MDGA2: variants seen among roughly 807,000 people sequenced by gnomAD.
MDGA2 encodes MAM domain containing glycosylphosphatidylinositol anchor 2.
In MDGA2, 40 loss-of-function variants were observed where a neutral mutation model predicts 117.8. That is an observed-to-expected ratio of 0.34 (90% CI 0.26 to 0.44). The LOEUF is 0.44. Ranked by LOEUF, MDGA2 falls within the 20% of genes least tolerant of loss-of-function variation. MDGA2 has a pLI of 1.00. For synonymous variants in MDGA2, 452 were observed against 439.0 expected, an observed-to-expected ratio of 1.03 and a Z score of -0.37; for missense variants, 1,123 against 1,250.6, an observed-to-expected ratio of 0.90 and a Z score of 1.54.
intron 9 of MDGA2, among the ~76,000 whole-genome samples, chr14:46,934,825 G>A (rs531273042): frequency 6.6e-6 from 1 of 151,998 alleles, no homozygotes; most frequent in African/African-American, 2.4e-5. Flanking sequence ...ATTAATACAC[G>A]GTGTATGTCA....
rs376845501 is a variant in MDGA2, at chr14:47,105,291, C to T, written c.926-8168G>A. ...TCTGTGCCCCAATCCCTTATTTCTG[C>T]ACCCTGACCTCTTATCTCTGTGCCC... On this transcript the variant is annotated intron_variant, in intron 5 of 16. Transcript: ENST00000399232. 9.9e-5 allele frequency among the ~76,000 whole-genome samples: 15 copies of T among 152,026 alleles called. No homozygotes were observed. In the East Asian group the frequency reaches 2.9e-3, roughly 30 times the overall value.
In MDGA2 at chr14:46,841,601, A is replaced by G. The variant is rs980353607; in HGVS notation, c.*330T>C. On this transcript the variant is annotated 3_prime_UTR_variant, in exon 17 of 17. Coordinates refer to ENST00000399232, the MANE Select transcript of MDGA2 (RefSeq NM_001113498.3). Reference sequence around the variant, plus strand: ...ACTTTGTGCTTTGACAAGGATTTCTATAGCTCTTTTTTTTTTCTTTTTTTC... The same window carrying G: ...ACTTTGTGCTTTGACAAGGATTTCTGTAGCTCTTTTTTTTTTCTTTTTTTC... 6.3e-6 allele frequency: 1 copy of G among 159,294 alleles called. No homozygotes were observed. The highest frequency in any genetic ancestry group is 1.3e-5 in the Non-Finnish European group (1 of 76,306). 9.9% of individuals were successfully genotyped at this position (159,294 alleles called of 1,614,324 possible).
Position 47,301,260 on chromosome 14 carries a change from G to A in MDGA2, c.420+151C>T. 5 of 730,740 alleles carry A rather than the reference G, an allele frequency of 6.8e-6. No individual in the cohort carries two copies. In the South Asian group the frequency reaches 9.9e-5, roughly 15 times the overall value. The allele number at this position is 730,740 out of a possible 1,614,324, so 45.3% of individuals were successfully genotyped here. ...CTTGTCCTGCGTTGCACATATACTTGCACTTGAGTTACACACACACACACC... is the reference window on the plus strand; with the variant it reads ...CTTGTCCTGCGTTGCACATATACTTACACTTGAGTTACACACACACACACC... On this transcript the variant is annotated intron_variant, in intron 2 of 16. Coordinates refer to ENST00000399232, the MANE Select transcript of MDGA2 (RefSeq NM_001113498.3).
At chr14:46,879,064 G>A (rs992037541) in intron 11 of MDGA2, among the ~76,000 whole-genome samples, 10 of 152,114 alleles carry the variant, frequency 6.6e-5, no homozygotes, top group African/African-American at 2.4e-4. Flanking sequence ...AGACAATTGT[G>A]TCCCCATAAA....
At chr14:47,469,130 T>G (rs1448136420) in intron 1 of MDGA2, among the ~76,000 whole-genome samples, 1 of 152,126 alleles carries the variant, frequency 6.6e-6, no homozygotes, top group Non-Finnish European at 1.5e-5. Context: ...TGGATTAGAT[T>G]TGGAAAGAAA....
At chr14:47,047,982 C>T (rs1207912996) in intron 7 of MDGA2, among the ~76,000 whole-genome samples, 1 of 151,994 alleles carries the variant, frequency 6.6e-6, no homozygotes, top group African/African-American at 2.4e-5. Context: ...CCCCCAAAGC[C>T]ATCCAAGGAA....
At chr14:47,582,679 A>T (rs1284569278) in intron 1 of MDGA2, among the ~76,000 whole-genome samples, 3 of 151,916 alleles carry the variant, frequency 2.0e-5, no homozygotes, top group Non-Finnish European at 4.4e-5. Flanking sequence ...TCAAAGCAGG[A>T]TGTATCGATG....
At chr14:47,642,965 T>C (rs1482128968) in intron 1 of MDGA2, among the ~76,000 whole-genome samples, 1 of 152,062 alleles carries the variant, frequency 6.6e-6, no homozygotes, top group East Asian at 1.9e-4. Context: ...TTTCCTCATA[T>C]GTCAACAAAT....
intron 1 of MDGA2, among the ~76,000 whole-genome samples, chr14:47,573,426 T>G (rs1896058076): frequency 6.6e-6 from 1 of 152,146 alleles, no homozygotes. Context: ...CATTTCTCAT[T>G]TCCAGGGCCC....
chr14:47,536,994 TA>T (rs529174162), intron 1 of MDGA2, among the ~76,000 whole-genome samples: 143 of 152,180 alleles, frequency 9.4e-4, no homozygotes, highest in African/African-American at 3.3e-3. Context: ...AATATGACAC[TA>T]AATTCATGCA....
At chr14:47,299,720 T>A (rs917402940) in intron 2 of MDGA2, among the ~76,000 whole-genome samples, 1 of 152,188 alleles carries the variant, frequency 6.6e-6, no homozygotes, top group African/African-American at 2.4e-5. Context: ...TTGTTTCAAT[T>A]TTTAACAATT....
At chr14:47,395,558 T>C (rs927038958) in intron 1 of MDGA2, among the ~76,000 whole-genome samples, 4 of 152,124 alleles carry the variant, frequency 2.6e-5, no homozygotes, top group African/African-American at 9.7e-5. Flanking sequence ...TACCTAGTGA[T>C]TGGAAAATGA....
intron 1 of MDGA2, among the ~76,000 whole-genome samples, chr14:47,306,992 CAT>C (rs1889473107): frequency 6.6e-6 from 1 of 152,128 alleles, no homozygotes; most frequent in Admixed American, 6.6e-5. Flanking sequence ...GTAAAGCAAA[CAT>C]AACAATAATC....
chr14:47,087,536 T>G (rs1194364210), intron 6 of MDGA2, among the ~76,000 whole-genome samples: 1 of 151,062 alleles, frequency 6.6e-6, no homozygotes, highest in East Asian at 1.9e-4. Context: ...GTTTATGTAC[T>G]GCAGTTTCTT....
rs540600183 is a variant in MDGA2 at position 47,095,509 on chromosome 14, A to C, written c.1195+1345T>G. ...TAAATGACATATTTTAAAAAAAATC[A>C]AAGTATAAACAAATTTAGAAGAGCT... On this transcript the variant is annotated intron_variant, in intron 6 of 16. Transcript: ENST00000399232. 3.9e-5 allele frequency among the ~76,000 whole-genome samples: 6 copies of C among 152,142 alleles called. No homozygotes were observed. The East Asian group carries it at 1.2e-3, about 29-fold the overall frequency.
intron 8 of MDGA2, among the ~76,000 whole-genome samples, chr14:46,974,585 A>G (rs1044383327): frequency 2.0e-5 from 3 of 152,156 alleles, no homozygotes; most frequent in African/African-American, 7.2e-5. Context: ...ATATATGGTA[A>G]AATTATTTTG....
At chr14:47,503,699 C>T (rs956913897) in intron 1 of MDGA2, among the ~76,000 whole-genome samples, 9 of 152,110 alleles carry the variant, frequency 5.9e-5, no homozygotes, top group East Asian at 1.9e-4. Flanking sequence ...CCACTGCGCC[C>T]GGCCTCCTCT....
intron 3 of MDGA2, among the ~76,000 whole-genome samples, chr14:47,182,154 T>C (rs1319885652): frequency 6.6e-6 from 1 of 152,082 alleles, no homozygotes; most frequent in Non-Finnish European, 1.5e-5. Context: ...GATATCAGGA[T>C]AATTATTCTT....
intron 3 of MDGA2, among the ~76,000 whole-genome samples, chr14:47,167,839 A>G (rs1226137555): frequency 6.6e-6 from 1 of 152,188 alleles, no homozygotes; most frequent in Non-Finnish European, 1.5e-5. Context: ...AAACTTGAGA[A>G]TCTTGGTAGA....
Sources: gnomAD v4.1 joint callset for allele counts (sites outside exome capture counted in the v4.1 genomes callset) on GRCh38, gnomAD v4.1.1 for gene constraint, MANE v1.5 for transcripts, NCBI Gene and HGNC (gene_info 2026-07-23, HGNC 2026-07-21) for gene names.